The following TAFA1 variants were observed in gnomAD, a reference collection of about 807,000 sequenced individuals.
TAFA1 encodes TAFA chemokine like family member 1, also known as chemokine-like protein TAFA-1.
TAFA1 carries 4 observed loss-of-function variants against 18.5 expected under a neutral mutation model. That is an observed-to-expected ratio of 0.22 (90% CI 0.11 to 0.49). The LOEUF (loss-of-function observed/expected upper bound fraction) is 0.49, where lower values mean the gene tolerates loss of function less well. Among genes scored for constraint, TAFA1 ranks in the 20% least tolerant of loss-of-function variants. TAFA1 has a pLI of 0.98. For synonymous variants in TAFA1, 56 were observed against 55.2 expected (o/e 1.01, Z -0.06); for missense variants, 147 against 169.0 (o/e 0.87, Z 0.72).
At chr3:68,403,764 T>G (rs899776629) in intron 2 of TAFA1, among the ~76,000 whole-genome samples, 6 of 152,192 alleles carry the variant, frequency 3.9e-5, no homozygotes, top group Non-Finnish European at 8.8e-5. Context: ...AGTTTGTTGA[T>G]CCTTGATCTG....
At chr3:68,349,497 C>T (rs927654472) in intron 2 of TAFA1, among the ~76,000 whole-genome samples, 2 of 152,006 alleles carry the variant, frequency 1.3e-5, no homozygotes, top group Non-Finnish European at 2.9e-5. Context: ...ATGTTTAGTT[C>T]TTCAGCATGT....
chr3:68,088,893 G>T (rs571812135), intron 2 of TAFA1, among the ~76,000 whole-genome samples: 1 of 152,242 alleles, frequency 6.6e-6, no homozygotes, highest in South Asian at 2.1e-4. Context: ...CCACATTCTG[G>T]CTCTATGTAA....
At chr3:68,047,140 T>C (rs748649879) in intron 2 of TAFA1, among the ~76,000 whole-genome samples, 33 of 152,164 alleles carry the variant, frequency 2.2e-4, no homozygotes, top group Admixed American at 1.6e-3. Context: ...GCTACACATA[T>C]TATCTTTATA....
chr3:68,494,272 G>C (rs1212671217), intron 3 of TAFA1, among the ~76,000 whole-genome samples: 1 of 152,062 alleles, frequency 6.6e-6, no homozygotes, highest in Non-Finnish European at 1.5e-5. Context: ...TGGCTAATTG[G>C]TATAAGTTTT....
chr3:68,242,133 T>C (rs1426671769), intron 2 of TAFA1, among the ~76,000 whole-genome samples: 2 of 152,152 alleles, frequency 1.3e-5, no homozygotes, highest in Non-Finnish European at 2.9e-5. Context: ...AGATGGGAGC[T>C]GGTAAGAGCT....
At chr3:68,256,979 C>T (rs1311138973) in intron 2 of TAFA1, among the ~76,000 whole-genome samples, 1 of 152,100 alleles carries the variant, frequency 6.6e-6, no homozygotes, top group South Asian at 2.1e-4. Flanking sequence ...CTTGGCATCA[C>T]TCATTAGTTG....
intron 2 of TAFA1, among the ~76,000 whole-genome samples, chr3:68,091,955 C>T (rs1212284712): frequency 6.6e-6 from 1 of 152,106 alleles, no homozygotes; most frequent in Non-Finnish European, 1.5e-5. Flanking sequence ...TTTTCATCTC[C>T]TAAGTAAGAA....
rs527809670 is a variant in TAFA1, at chr3:68,296,624, T to G, written c.119-120656T>G. ...TGCATAGGCCCTTAACAAACTGGCT[T>G]TTAGGTCTCTCTTGAAGTGACTAGT... On this transcript the variant is annotated intron_variant, in intron 2 of 4. Transcript: ENST00000478136. 3.0e-3 allele frequency among the ~76,000 whole-genome samples: 463 copies of G among 152,274 alleles called. 2 individuals are homozygous for G. The highest frequency in any genetic ancestry group is 5.3e-3 in the Non-Finnish European group (359 of 68,024).
intron 2 of TAFA1, among the ~76,000 whole-genome samples, chr3:68,333,493 G>T (rs1464669389): frequency 6.6e-6 from 1 of 151,616 alleles, no homozygotes. Context: ...AGGGTGGGTG[G>T]AGGGTGATCA....
intron 2 of TAFA1, among the ~76,000 whole-genome samples, chr3:68,111,362 G>A (rs2065260162): frequency 6.6e-6 from 1 of 151,928 alleles, no homozygotes; most frequent in African/African-American, 2.4e-5. Flanking sequence ...TCAAAAAGGA[G>A]GGCAAAATAA....
At chr3:68,412,936 C>A (rs910600643) in intron 2 of TAFA1, among the ~76,000 whole-genome samples, 25 of 151,536 alleles carry the variant, frequency 1.6e-4, no homozygotes, top group African/African-American at 5.8e-4. Flanking sequence ...GTTCTAGATC[C>A]CTGAGGAATT....
chr3:68,514,964 A>G (rs1010946882), intron 3 of TAFA1, among the ~76,000 whole-genome samples: 4 of 151,772 alleles, frequency 2.6e-5, no homozygotes, highest in East Asian at 3.9e-4. Flanking sequence ...CAGAATAAAC[A>G]AGAGATGTAA....
At chr3:68,047,611 C>T (rs998025343) in intron 2 of TAFA1, among the ~76,000 whole-genome samples, 3 of 152,010 alleles carry the variant, frequency 2.0e-5, no homozygotes, top group African/African-American at 7.3e-5. Flanking sequence ...GGATTGGTTA[C>T]ACTATTTGGC....
At chr3:68,487,047 A>G (rs2072356317) in intron 3 of TAFA1, among the ~76,000 whole-genome samples, 1 of 152,266 alleles carries the variant, frequency 6.6e-6, no homozygotes, top group Non-Finnish European at 1.5e-5. Context: ...CGATGAATCC[A>G]AGCCAGATCA....
At chr3:68,487,543 C>A (rs2072367331) in intron 3 of TAFA1, among the ~76,000 whole-genome samples, 1 of 151,740 alleles carries the variant, frequency 6.6e-6, no homozygotes, top group South Asian at 2.1e-4. Context: ...GTCAGGAGAT[C>A]GAGACCATCC....
At chr3:68,477,972 A>C (rs2072136223) in intron 3 of TAFA1, among the ~76,000 whole-genome samples, 1 of 152,202 alleles carries the variant, frequency 6.6e-6, no homozygotes, top group Non-Finnish European at 1.5e-5. Flanking sequence ...CTTGGAAATC[A>C]TTCCCCTATT....
At chr3:68,299,670 C>T (rs1412092705) in intron 2 of TAFA1, among the ~76,000 whole-genome samples, 1 of 152,188 alleles carries the variant, frequency 6.6e-6, no homozygotes. Flanking sequence ...AAGTCCCTCC[C>T]ATTACAGGCC....
chr3:68,264,667 GAA>G (rs1409589057), intron 2 of TAFA1, among the ~76,000 whole-genome samples: 1 of 149,738 alleles, frequency 6.7e-6, no homozygotes, highest in Non-Finnish European at 1.5e-5. Flanking sequence ...CACAGTCAAT[GAA>G]AGTCTTTATC....
At chr3:68,465,465 G>C (rs1020817602) in intron 3 of TAFA1, among the ~76,000 whole-genome samples, 1 of 152,188 alleles carries the variant, frequency 6.6e-6, no homozygotes, top group East Asian at 1.9e-4. Context: ...TAATATATCT[G>C]TGTGTAAATT....
Sources: allele counts gnomAD v4.1 joint callset (sites outside exome capture counted in the v4.1 genomes callset), GRCh38; gene constraint gnomAD v4.1.1; transcripts MANE v1.5; gene names NCBI Gene and HGNC (gene_info 2026-07-23, HGNC 2026-07-21).